BCAS3: variants seen among roughly 807,000 people sequenced by gnomAD.
BCAS3 encodes the protein BCAS3 microtubule associated cell migration factor, also known as BCAS4/BCAS3 fusion.
BCAS3 carries 53 observed loss-of-function variants against 116.1 expected under a neutral mutation model. That is an observed-to-expected ratio of 0.46 (90% CI 0.37 to 0.57). The LOEUF is 0.57. BCAS3 is among the 20% of genes least tolerant of loss of function. The pLI is 0.00. For synonymous variants in BCAS3, 391 were observed against 408.2 expected (o/e 0.96, Z 0.51); for missense variants, 917 against 1,165.4 (o/e 0.79, Z 3.10).
chr17:60,867,698 TA>T (rs2054739367), intron 7 of BCAS3, among the ~76,000 whole-genome samples: 1 of 152,196 alleles, frequency 6.6e-6, no homozygotes, highest in Non-Finnish European at 1.5e-5. Context: ...CACAGATTGG[TA>T]TTTTTTGCTT....
intron 13 of BCAS3, among the ~76,000 whole-genome samples, chr17:60,944,864 T>C (rs944959491): frequency 4.2e-4 from 64 of 152,254 alleles, no homozygotes; most frequent in African/African-American, 1.5e-3. Flanking sequence ...CGAAGGACTT[T>C]TACAAAAAAC....
intron 19 of BCAS3, among the ~76,000 whole-genome samples, chr17:61,042,047 A>G (rs1388215827): frequency 6.6e-6 from 1 of 152,082 alleles, no homozygotes; most frequent in African/African-American, 2.4e-5. Flanking sequence ...TGTGTTGCCT[A>G]TGGCATCACA....
At position 60,805,693 on chromosome 17, in the gene BCAS3, T is replaced by G. The variant is rs1320955285; in HGVS notation, c.404-2311T>G. 2.6e-5 allele frequency among the ~76,000 whole-genome samples: 4 copies of G among 151,814 alleles called. No individual in the cohort carries two copies. In the East Asian group the frequency reaches 5.9e-4, roughly 22 times the overall value. ...AATACAAAAAATTAGCCGGACATGG[T>G]GGCGGGCACCTGTAATCCCAGCTAC... On this transcript the variant is annotated intron_variant, in intron 6 of 23. Transcript: ENST00000407086.
chr17:61,016,033 TCA>T, intron 16 of BCAS3, 132 bp downstream of exon 16: 2 of 941,158 alleles, frequency 2.1e-6, no homozygotes, highest in Non-Finnish European at 1.6e-6. Flanking sequence ...CTTAATGGCA[TCA>T]GATTAAGTAC....
chr17:61,064,548 GT>G (rs927331773), intron 19 of BCAS3, among the ~76,000 whole-genome samples: 1 of 152,152 alleles, frequency 6.6e-6, no homozygotes, highest in African/African-American at 2.4e-5. Flanking sequence ...AAGCTCCTTA[GT>G]TTATGTCTTC....
At chr17:61,190,682 A>G (rs2080054368) in intron 22 of BCAS3, among the ~76,000 whole-genome samples, 1 of 150,822 alleles carries the variant, frequency 6.6e-6, no homozygotes, top group African/African-American at 2.4e-5. Context: ...ATCTCAGCTC[A>G]CTGCACCGAC....
In BCAS3 at chr17:61,214,409, G is replaced by A. The variant is rs1254789710; in HGVS notation, c.2425+129845G>A. Among the ~76,000 whole-genome samples, 1 of 147,550 alleles carries A rather than the reference G, an allele frequency of 6.8e-6. No individual in the cohort carries two copies. The highest frequency in any genetic ancestry group is 1.5e-5 in the Non-Finnish European group (1 of 67,826). On this transcript the variant is annotated intron_variant, in intron 22 of 23. Coordinates refer to ENST00000407086, the MANE Select transcript of BCAS3 (RefSeq NM_017679.5). The surrounding 1 kb of genome is among the most constrained non-coding windows in gnomAD (Gnocchi z 4.4). ...TAAATAAATAAATATTTTAGGCTGGGCGCAGTGGCTCATGCCTGTAATCCC... is the reference window on the plus strand; with the variant it reads ...TAAATAAATAAATATTTTAGGCTGGACGCAGTGGCTCATGCCTGTAATCCC...
At chr17:61,121,302 C>A (rs1402401198) in intron 22 of BCAS3, among the ~76,000 whole-genome samples, 1 of 152,030 alleles carries the variant, frequency 6.6e-6, no homozygotes, top group Non-Finnish European at 1.5e-5. Context: ...TAATATTTTT[C>A]TGTATTTTTC....
intron 5 of BCAS3, among the ~76,000 whole-genome samples, chr17:60,738,976 G>GT (rs1313113900): frequency 1.3e-5 from 2 of 151,524 alleles, no homozygotes; most frequent in Admixed American, 1.3e-4. Context: ...TGCTTTTTTA[G>GT]TTTGAGCATT....
chr17:60,857,258 G>T (rs1468840733), intron 7 of BCAS3, among the ~76,000 whole-genome samples: 1 of 152,138 alleles, frequency 6.6e-6, no homozygotes. Context: ...AATAAAAATT[G>T]CATCCTTCCT....
rs1240752631 is a variant in BCAS3, at chr17:61,239,055, T to C, written c.2426-129272T>C. On this transcript the variant is annotated intron_variant, in intron 22 of 23. Transcript: ENST00000407086. The surrounding 1 kb of genome is among the most constrained non-coding windows in gnomAD (Gnocchi z 4.2). Reference sequence around the variant, plus strand: ...TATATTTTTAGCAATAGAAGCAATATAGCATACCTTTGAGCCAGTTTTTCC... The same window carrying C: ...TATATTTTTAGCAATAGAAGCAATACAGCATACCTTTGAGCCAGTTTTTCC... Among the ~76,000 whole-genome samples, 1 of 152,226 alleles carries C rather than the reference T, an allele frequency of 6.6e-6. No individual in the cohort carries two copies. Among genetic ancestry groups the C allele is most frequent in the Non-Finnish European group, 1.5e-5 (1 of 68,032 alleles).
chr17:61,296,821 A>C (rs1405804308), intron 22 of BCAS3, among the ~76,000 whole-genome samples: 1 of 152,210 alleles, frequency 6.6e-6, no homozygotes, highest in African/African-American at 2.4e-5. Context: ...GAGCACAAAC[A>C]AGGAGCTGTG....
In BCAS3 at chr17:61,368,316, G is replaced by A; in HGVS notation, c.2426-11G>A. 6.3e-7 allele frequency: 1 copy of A among 1,583,498 alleles called. No homozygotes were observed. The highest frequency in any genetic ancestry group is 8.6e-7 in the Non-Finnish European group (1 of 1,157,120). ...GTGGACTCAACGTCAGATGTCCCGT[G>A]TGTGCCACAGGTACCTTTGACAGGA... On this transcript the variant is annotated splice_polypyrimidine_tract_variant and intron_variant, in intron 22 of 23. Transcript: ENST00000407086. The surrounding 1 kb of genome is among the most constrained non-coding windows in gnomAD (Gnocchi z 6.0).
rs111308036 is a variant in BCAS3 at position 61,143,891 on chromosome 17, A to T, written c.2425+59327A>T. ...ATTAGGGGTGCTGGTTTCATTGGCC[A>T]GTGTGTCCTACCATTGCTTTGGGAT... On this transcript the variant is annotated intron_variant, in intron 22 of 23. Transcript: ENST00000407086. Among the ~76,000 whole-genome samples the T allele has an allele frequency of 2.3e-3, 356 of 152,350 alleles. 1 individual carries two copies. Among genetic ancestry groups the T allele is most frequent in the African/African-American group, 8.2e-3 (343 of 41,580 alleles).
At chr17:60,920,813 T>C (rs2059032969) in intron 12 of BCAS3, among the ~76,000 whole-genome samples, 3 of 151,820 alleles carry the variant, frequency 2.0e-5, no homozygotes, top group Non-Finnish European at 4.4e-5. Context: ...GAGGTTGCAG[T>C]GAACCGAGAT....
intron 22 of BCAS3, among the ~76,000 whole-genome samples, chr17:61,331,973 T>G (rs2056331010): frequency 6.6e-6 from 1 of 152,220 alleles, no homozygotes; most frequent in Non-Finnish European, 1.5e-5. Context: ...AACCGGCCTT[T>G]TTCCCTGTTT....
chr17:60,780,189 T>A (rs1299167851), intron 6 of BCAS3, among the ~76,000 whole-genome samples: 1 of 151,634 alleles, frequency 6.6e-6, no homozygotes, highest in African/African-American at 2.4e-5. Flanking sequence ...CAGGTTTCAC[T>A]ATATTGGCCA....
intron 7 of BCAS3, among the ~76,000 whole-genome samples, chr17:60,814,897 C>G (rs2049226757): frequency 6.6e-6 from 1 of 152,120 alleles, no homozygotes; most frequent in African/African-American, 2.4e-5. Context: ...CTTCTAGATT[C>G]CTCAAGGATC....
intron 4 of BCAS3, among the ~76,000 whole-genome samples, chr17:60,706,147 C>T (rs1257990326): frequency 2.0e-5 from 3 of 151,828 alleles, no homozygotes; most frequent in Admixed American, 2.0e-4. Flanking sequence ...ACTGTAACCT[C>T]CACCTCTTGG....
Sources: gnomAD v4.1 joint callset for allele counts (sites outside exome capture counted in the v4.1 genomes callset) on GRCh38, gnomAD v4.1.1 for gene constraint, Gnocchi (gnomAD v3.1) non-coding constraint, MANE v1.5 for transcripts, NCBI Gene and HGNC (gene_info 2026-07-23, HGNC 2026-07-21) for gene names.